KCNH7: variants seen among roughly 807,000 people sequenced by gnomAD.
The protein encoded by KCNH7 is voltage-gated inwardly rectifying potassium channel KCNH7.
Under a neutral mutation model 120.8 loss-of-function variants are expected in KCNH7, and 49 were observed. The observed-to-expected ratio is 0.41, with a 90% CI of 0.32 to 0.51. KCNH7 has a LOEUF of 0.51. KCNH7 is among the 20% of genes least tolerant of loss of function. The pLI is 0.38. For missense variants in KCNH7, 1,097 were observed against 1,446.6 expected, an observed-to-expected ratio of 0.76 and a Z score of 3.92; for synonymous variants, 547 against 516.1, an observed-to-expected ratio of 1.06 and a Z score of -0.81.
intron 2 of KCNH7, among the ~76,000 whole-genome samples, chr2:162,816,446 A>G (rs1684922009): frequency 6.6e-6 from 1 of 152,182 alleles, no homozygotes; most frequent in African/African-American, 2.4e-5. Context: ...GGAAAAGTAC[A>G]AACAGAAATC....
chr2:162,521,166 C>A (rs1691506957), intron 3 of KCNH7, among the ~76,000 whole-genome samples: 1 of 151,846 alleles, frequency 6.6e-6, no homozygotes, highest in East Asian at 1.9e-4. Context: ...ATGACTGGCC[C>A]ATAGGCCTCA....
At chr2:162,566,469 A>G (rs1173566368) in intron 2 of KCNH7, among the ~76,000 whole-genome samples, 2 of 152,054 alleles carry the variant, frequency 1.3e-5, no homozygotes, top group Non-Finnish European at 2.9e-5. Context: ...CTGCAATCAC[A>G]AACTACCTGC....
At chr2:162,752,952 A>G (rs889152800) in intron 2 of KCNH7, among the ~76,000 whole-genome samples, 10 of 109,578 alleles carry the variant, frequency 9.1e-5, no homozygotes, top group African/African-American at 5.4e-4. Flanking sequence ...AGAAAAGAAA[A>G]GAAAAGAAAA....
At chr2:162,817,203 G>A (rs1684945586) in intron 2 of KCNH7, among the ~76,000 whole-genome samples, 2 of 152,104 alleles carry the variant, frequency 1.3e-5, no homozygotes, top group African/African-American at 4.8e-5. Flanking sequence ...AAATTCTTGT[G>A]TGTTCTCTTC....
intron 2 of KCNH7, among the ~76,000 whole-genome samples, chr2:162,800,333 T>C (rs1269996812): frequency 6.6e-6 from 1 of 151,874 alleles, no homozygotes; most frequent in Non-Finnish European, 1.5e-5. Context: ...TTCTTTTTCA[T>C]ATTTTAAATC....
intron 2 of KCNH7, among the ~76,000 whole-genome samples, chr2:162,733,012 A>G (rs554273115): frequency 6.6e-6 from 1 of 152,360 alleles, no homozygotes; most frequent in East Asian, 1.9e-4. Flanking sequence ...AAAATTTGGC[A>G]TATTTAGCAA....
intron 2 of KCNH7, among the ~76,000 whole-genome samples, chr2:162,677,859 C>T (rs1685578505): frequency 6.6e-6 from 1 of 151,372 alleles, no homozygotes; most frequent in Non-Finnish European, 1.5e-5. Flanking sequence ...GTAGTTCTAT[C>T]ACTTTTTGGT....
intron 2 of KCNH7, among the ~76,000 whole-genome samples, chr2:162,752,948 G>GAAAAGAAAAGAAAAGAAAAC (rs1688631013): frequency 9.7e-6 from 1 of 103,254 alleles, no homozygotes; most frequent in South Asian, 2.8e-4. Flanking sequence ...GAAAAGAAAA[G>GAAAAGAAAAGAAAAGAAAAC]AAAAGAAAAG....
intron 2 of KCNH7, among the ~76,000 whole-genome samples, chr2:162,737,403 A>C (rs1212752903): frequency 1.3e-5 from 2 of 152,156 alleles, no homozygotes; most frequent in Non-Finnish European, 2.9e-5. Flanking sequence ...ATGGAGACCA[A>C]GGCAGAGTGA....
At chr2:162,769,496 T>A (rs1397476229) in intron 2 of KCNH7, among the ~76,000 whole-genome samples, 1 of 152,100 alleles carries the variant, frequency 6.6e-6, no homozygotes, top group Non-Finnish European at 1.5e-5. Context: ...CTTGCCCACA[T>A]ACTGCTATTG....
intron 2 of KCNH7, among the ~76,000 whole-genome samples, chr2:162,686,366 C>A (rs1685891310): frequency 6.6e-6 from 1 of 152,100 alleles, no homozygotes; most frequent in Non-Finnish European, 1.5e-5. Context: ...CGTTTCCAAT[C>A]CTGAGTTTTT....
chr2:162,481,485 A>G (rs918706297), intron 6 of KCNH7, among the ~76,000 whole-genome samples: 2 of 152,196 alleles, frequency 1.3e-5, no homozygotes, highest in African/African-American at 4.8e-5. Flanking sequence ...ATGGAATAAG[A>G]GAGTCTCAAC....
intron 2 of KCNH7, among the ~76,000 whole-genome samples, chr2:162,539,910 A>G (rs781387863): frequency 6.6e-6 from 1 of 152,156 alleles, no homozygotes; most frequent in Non-Finnish European, 1.5e-5. Flanking sequence ...TTTATAGAAC[A>G]GAAATATTTT....
At chr2:162,387,749 G>A (rs1006280420) in intron 12 of KCNH7, among the ~76,000 whole-genome samples, 1 of 151,668 alleles carries the variant, frequency 6.6e-6, no homozygotes, top group Non-Finnish European at 1.5e-5. Flanking sequence ...GTGTCTCTCT[G>A]AGTTTAGAAT....
chr2:162,550,102 T>TA (rs1448662723), intron 2 of KCNH7, among the ~76,000 whole-genome samples: 6 of 152,190 alleles, frequency 3.9e-5, no homozygotes, highest in African/African-American at 1.4e-4. Flanking sequence ...TCAGAGGCCA[T>TA]AGCGGTGTGG....
intron 2 of KCNH7, among the ~76,000 whole-genome samples, chr2:162,732,567 G>T (rs1687769181): frequency 6.6e-6 from 1 of 152,040 alleles, no homozygotes; most frequent in African/African-American, 2.4e-5. Flanking sequence ...ATGGAAGGAA[G>T]ATAGAATTGA....
chr2:162,496,579 ACT>A (rs1690506955), intron 6 of KCNH7, among the ~76,000 whole-genome samples: 1 of 151,718 alleles, frequency 6.6e-6, no homozygotes, highest in African/African-American at 2.4e-5. Flanking sequence ...AAAAAATTCT[ACT>A]CCACTCATTC....
chr2:162,630,275 A>G (rs1355559444), intron 2 of KCNH7, among the ~76,000 whole-genome samples: 1 of 152,122 alleles, frequency 6.6e-6, no homozygotes, highest in Non-Finnish European at 1.5e-5. Context: ...GTGGATCTAG[A>G]GCTTAGAGGA....
intron 2 of KCNH7, among the ~76,000 whole-genome samples, chr2:162,746,620 T>G (rs1434118594): frequency 6.6e-6 from 1 of 152,064 alleles, no homozygotes; most frequent in African/African-American, 2.4e-5. Flanking sequence ...ATCACTAAGG[T>G]TTTGAAAGTT....
Sources: allele counts gnomAD v4.1 joint callset (sites outside exome capture counted in the v4.1 genomes callset), GRCh38; gene constraint gnomAD v4.1.1; transcripts MANE v1.5; gene names NCBI Gene and HGNC (gene_info 2026-07-23, HGNC 2026-07-21).